ZC3H7A: variants seen among roughly 807,000 people sequenced by gnomAD.
The protein encoded by ZC3H7A is zinc finger CCCH domain-containing protein 7A.
Under a neutral mutation model 125.5 loss-of-function variants are expected in ZC3H7A, and 44 were observed. The observed-to-expected ratio is 0.35, with a 90% CI of 0.28 to 0.45. The LOEUF is 0.45. ZC3H7A is among the 20% of genes least tolerant of loss of function. The pLI, the probability that ZC3H7A is intolerant of heterozygous loss-of-function variation, is 1.00. For missense variants in ZC3H7A, 977 were observed against 1,170.7 expected, an observed-to-expected ratio of 0.83 and a Z score of 2.41; for synonymous variants, 399 against 391.2, an observed-to-expected ratio of 1.02 and a Z score of -0.23.
In ZC3H7A at chr16:11,756,363, A is replaced by T. The variant is rs776777481; in HGVS notation, c.2436T>A (p.Asp812Glu). The T allele has an allele frequency of 2.2e-5, 35 of 1,610,012 alleles. No individual in the cohort carries two copies. The highest frequency in any genetic ancestry group is 2.7e-5 in the Non-Finnish European group (32 of 1,179,026). Reference sequence around the variant, plus strand: ...GCCATAGTTCGTAAAATTGCTCCATATCTTGTACTAAAGAAAAATGAATTA... The same window carrying T: ...GCCATAGTTCGTAAAATTGCTCCATTTCTTGTACTAAAGAAAAATGAATTA... ...WTYMKENGIQ[D>E]MEQFYELWLK... Residue 812 changes from aspartate (D) to glutamate (E), a missense_variant, in exon 21 of 23, where the codon GAT becomes GAA. Coordinates refer to ENST00000355758, the MANE Select transcript of ZC3H7A (RefSeq NM_014153.4).
chr16:11,771,936 T>C (rs1440596936), intron 9 of ZC3H7A, among the ~76,000 whole-genome samples: 1 of 152,120 alleles, frequency 6.6e-6, no homozygotes, highest in Non-Finnish European at 1.5e-5. Flanking sequence ...GGCTCACACC[T>C]GTAATCCTAG....
intron 20 of ZC3H7A, among the ~76,000 whole-genome samples, chr16:11,757,152 C>T (rs2052663413): frequency 6.6e-6 from 1 of 152,018 alleles, no homozygotes. Flanking sequence ...GAAAATATCT[C>T]CAGACATTGC....
intron 1 of ZC3H7A, among the ~76,000 whole-genome samples, chr16:11,793,902 T>TC (rs909554976): frequency 6.6e-6 from 1 of 152,072 alleles, no homozygotes; most frequent in African/African-American, 2.4e-5. Context: ...CTGGAGTTCT[T>TC]CCCCCCACAG....
At chr16:11,762,596 TCCA>T in intron 17 of ZC3H7A, 72 bp downstream of exon 17, 1 of 1,372,924 alleles carries the variant, frequency 7.3e-7, no homozygotes, top group Non-Finnish European at 1.0e-6. Context: ...GTTAACTGCA[TCCA>T]CCAACAACCA....
chr16:11,763,985 G>T (rs865890543), intron 15 of ZC3H7A, among the ~76,000 whole-genome samples: 1 of 151,136 alleles, frequency 6.6e-6, no homozygotes, highest in Non-Finnish European at 1.5e-5. Context: ...TAATAGAGAC[G>T]GGGTTTCACC....
intron 2 of ZC3H7A, among the ~76,000 whole-genome samples, chr16:11,781,727 T>C (rs2053177166): frequency 6.6e-6 from 1 of 151,878 alleles, no homozygotes; most frequent in Admixed American, 6.6e-5. Flanking sequence ...CCTACTTCTA[T>C]TTTTTAAAAA....
intron 1 of ZC3H7A, among the ~76,000 whole-genome samples, chr16:11,786,943 C>T (rs2053265314): frequency 6.6e-6 from 1 of 152,206 alleles, no homozygotes; most frequent in Admixed American, 6.5e-5. Flanking sequence ...AGCACACACA[C>T]AATTAAGTAG....
chr16:11,788,009 CT>C (rs902663512), intron 1 of ZC3H7A, among the ~76,000 whole-genome samples: 5 of 151,596 alleles, frequency 3.3e-5, no homozygotes, highest in African/African-American at 1.2e-4. Flanking sequence ...CCCCATACTC[CT>C]TTTTTTAAAG....
Position 11,791,857 on chromosome 16 carries a change from C to A in ZC3H7A, c.-35+5267G>T, listed in dbSNP as rs192738882. Reference sequence around the variant, plus strand: ...CCTCAAGATATACAATGACAAGTTTCACTGATCCCCTCTTCTCCTAAATAA... The same window carrying A: ...CCTCAAGATATACAATGACAAGTTTAACTGATCCCCTCTTCTCCTAAATAA... On this transcript the variant is annotated intron_variant, in intron 1 of 22. Transcript: ENST00000355758. Among the ~76,000 whole-genome samples the A allele has an allele frequency of 7.0e-4, 106 of 152,328 alleles. 2 individuals carry two copies. The highest frequency in any genetic ancestry group is 2.4e-3 in the African/African-American group (100 of 41,578).
At chr16:11,796,099 T>C (rs749643149) in intron 1 of ZC3H7A, 5 of 152,264 alleles carry the variant, frequency 3.3e-5, no homozygotes, top group African/African-American at 7.2e-5. Flanking sequence ...TCCCAAAGTT[T>C]TGGGATGACA....
At chr16:11,785,051 C>T (rs1397791408) in intron 1 of ZC3H7A, among the ~76,000 whole-genome samples, 6 of 140,724 alleles carry the variant, frequency 4.3e-5, no homozygotes, top group Non-Finnish European at 9.3e-5. Flanking sequence ...CCAGCTACTA[C>T]GGAGGCTGGG....
At chr16:11,766,302 C>A (rs1368572359) in intron 13 of ZC3H7A, among the ~76,000 whole-genome samples, 1 of 152,214 alleles carries the variant, frequency 6.6e-6, no homozygotes, top group Non-Finnish European at 1.5e-5. Context: ...TGGTGGCTCA[C>A]ACCTGTAATC....
At chr16:11,757,694 C>T (rs1042631508) in intron 20 of ZC3H7A, among the ~76,000 whole-genome samples, 5 of 152,010 alleles carry the variant, frequency 3.3e-5, no homozygotes, top group Non-Finnish European at 5.9e-5. Context: ...AAGCCTGGTG[C>T]GCAAGGGCAT....
intron 1 of ZC3H7A, among the ~76,000 whole-genome samples, chr16:11,793,852 G>A (rs1030697479): frequency 2.0e-5 from 3 of 152,188 alleles, no homozygotes. Flanking sequence ...ATGAGAGACA[G>A]TATGCCAAAC....
chr16:11,765,070 A>G lies in ZC3H7A; in HGVS notation c.1803T>C (p.His601=). The change falls in exon 15 of 23, where the codon CAT becomes CAC. Residue 601 remains histidine, a synonymous_variant. Transcript: ENST00000355758. The surrounding 1 kb of genome is among the most constrained non-coding windows in gnomAD (Gnocchi z 4.8). ...CAACATACTTATTGTCTTCAAACTC[A>G]TGCTTTGTAACCGGGTGAGAACAAG... is the stretch of plus-strand genomic sequence containing the variant. ...STACSHPVTK[H]EFEDNKCLVH... 6.3e-7 allele frequency: 1 copy of G among 1,581,522 alleles called. No homozygotes were observed. Among genetic ancestry groups the G allele is most frequent in the Non-Finnish European group, 8.6e-7 (1 of 1,164,416 alleles).
At position 11,768,441 on chromosome 16, in the gene ZC3H7A, T is replaced by C. The variant is rs977127752; in HGVS notation, c.1234A>G (p.Arg412Gly). ...ENFLGISSQP[R>G]NDFGNFFGSA... is the part of the protein sequence containing the mutation. ...CCAAAAAAGTTTCCAAAGTCATTTC[T>C]AGGCTGACTTGAAATTCCCAGGAAA... Residue 412 changes from arginine (R) to glycine (G), a missense_variant, in exon 12 of 23, where the codon AGA (arginine) becomes GGA (glycine). By Grantham distance (125) the Arg-to-Gly change is moderately radical. Coordinates refer to ENST00000355758, the MANE Select transcript of ZC3H7A (RefSeq NM_014153.4). 6.4e-7 allele frequency: 1 copy of C among 1,568,814 alleles called. No individual in the cohort carries two copies. Among genetic ancestry groups the C allele is most frequent in the Admixed American group, 1.7e-5 (1 of 58,402 alleles).
intron 10 of ZC3H7A, among the ~76,000 whole-genome samples, chr16:11,769,882 T>C (rs566024270): frequency 2.1e-4 from 30 of 140,336 alleles, no homozygotes; most frequent in South Asian, 2.1e-3. Context: ...CTCAACCTCC[T>C]GGGCTCAAGG....
intron 19 of ZC3H7A, among the ~76,000 whole-genome samples, chr16:11,760,013 G>C (rs980023941): frequency 6.6e-6 from 1 of 151,750 alleles, no homozygotes; most frequent in Non-Finnish European, 1.5e-5. Flanking sequence ...CAGCTACTCG[G>C]GAGGCTGAGG....
chr16:11,788,734 C>T (rs1235462356), intron 1 of ZC3H7A, among the ~76,000 whole-genome samples: 1 of 151,758 alleles, frequency 6.6e-6, no homozygotes, highest in African/African-American at 2.4e-5. Context: ...CTGCCTCAGC[C>T]GCCCCAGTAT....
Sources: gnomAD v4.1 joint callset for allele counts (sites outside exome capture counted in the v4.1 genomes callset) on GRCh38, gnomAD v4.1.1 for gene constraint, Gnocchi (gnomAD v3.1) non-coding constraint, MANE v1.5 for transcripts, NCBI Gene and HGNC (gene_info 2026-07-23, HGNC 2026-07-21) for gene names.